The following INTS2 variants were observed in gnomAD, a reference collection of about 807,000 sequenced individuals.
INTS2 encodes KIAA1287.
A neutral mutation model predicts 139.6 loss-of-function variants in INTS2; 57 were observed. The observed-to-expected ratio is 0.41, with a 90% CI of 0.33 to 0.51. The LOEUF (loss-of-function observed/expected upper bound fraction) is 0.51. INTS2 is among the 20% of genes least tolerant of loss of function. The probability of loss-of-function intolerance (pLI) is 0.28; values close to 1 mark genes in which losing one functional copy is unlikely to be tolerated. For synonymous variants in INTS2, 473 were observed against 493.4 expected, an observed-to-expected ratio of 0.96 and a Z score of 0.55; for missense variants, 1,196 against 1,436.7, an observed-to-expected ratio of 0.83 and a Z score of 2.71.
Position 61,869,705 on chromosome 17 carries a change from C to T in INTS2, c.3030+32G>A. The T allele has an allele frequency of 2.5e-6, 4 of 1,602,850 alleles. No homozygotes were observed. Among genetic ancestry groups the T allele is most frequent in the Non-Finnish European group, 3.4e-6 (4 of 1,172,812 alleles). On this transcript the variant is annotated intron_variant, in intron 21 of 24. Transcript: ENST00000251334. The surrounding 1 kb of genome is among the most constrained non-coding windows in gnomAD (Gnocchi z 5.4). ...CAAAGCCCCCAAGAAAAATAAAGTT[C>T]AAACACAAAGCATCATTCTTTGGAA...
In INTS2 at chr17:61,893,798, G is replaced by A; in HGVS notation, c.1665C>T (p.Ser555=). The part of the protein sequence containing the change: ...PIHCIYQLLR[S]RSFTKHKVSI... ...ACACTTTGTGCTTGGTAAAGGAACG[G>A]CTCCTGAGAAGCTGGTAAATACAAT... is the stretch of plus-strand genomic sequence containing the variant. The change falls in exon 13 of 25, where the codon AGC becomes AGT. Residue 555 remains serine (S), a synonymous_variant. Transcript: ENST00000251334. This position sits in a 1 kb window ranked among gnomAD's most constrained non-coding sequence, Gnocchi z 5.4. 6.3e-7 allele frequency: 1 copy of A among 1,588,778 alleles called. No individual in the cohort carries two copies. Among genetic ancestry groups the A allele is most frequent in the Non-Finnish European group, 8.6e-7 (1 of 1,166,342 alleles).
At chr17:61,886,332 A>G (rs1413508711) in intron 15 of INTS2, among the ~76,000 whole-genome samples, 1 of 152,198 alleles carries the variant, frequency 6.6e-6, no homozygotes, top group Non-Finnish European at 1.5e-5. Flanking sequence ...GTGAGCCATC[A>G]TATCTGGCCT....
chr17:61,908,775 C>T (rs897757691), intron 7 of INTS2, among the ~76,000 whole-genome samples: 5 of 151,948 alleles, frequency 3.3e-5, no homozygotes, highest in Middle Eastern at 3.4e-3. Flanking sequence ...ATGAAGCATC[C>T]AATAAATAAA....
chr17:61,914,870 T>C (rs1413800929), intron 5 of INTS2, among the ~76,000 whole-genome samples: 1 of 143,626 alleles, frequency 7.0e-6, no homozygotes, highest in Non-Finnish European at 1.5e-5. Context: ...CGAGACACTA[T>C]CTCAAAAAAA....
At position 61,875,587 on chromosome 17, in the gene INTS2, C is replaced by T. The variant is rs2079120456; in HGVS notation, c.2457-549G>A. 6.6e-6 allele frequency among the ~76,000 whole-genome samples: 1 copy of T among 152,088 alleles called. No homozygotes were observed. The highest frequency in any genetic ancestry group is 2.1e-4 in the South Asian group (1 of 4,830). On this transcript the variant is annotated intron_variant, in intron 18 of 24. Coordinates refer to ENST00000251334, the MANE Select transcript of INTS2 (RefSeq NM_001351695.2). This position sits in a 1 kb window ranked among gnomAD's most constrained non-coding sequence, Gnocchi z 4.6. ...ATAATTACTAAGGGTTATGCAAATA[C>T]AGAAGGTACTTGATCTTACAGTGAA...
chr17:61,911,758 AATCTAAAGT>A, intron 6 of INTS2, 65 bp from the exon 7 acceptor site: 20 of 1,511,238 alleles, frequency 1.3e-5, no homozygotes, highest in Non-Finnish European at 1.8e-5. Flanking sequence ...GATGCTTCCA[AATCTAAAGT>A]ATCTAAAGTT....
Position 61,889,813 on chromosome 17 carries a change from C to A in INTS2, c.1957G>T (p.Ala653Ser), listed in dbSNP as rs1306309537. The change falls in exon 15 of 25, where the codon GCT (alanine) becomes TCT (serine). Residue 653 changes from alanine to serine, a missense_variant. Transcript: ENST00000251334. Reference sequence around the variant, plus strand: ...AAAGTCTTCGTGTTTGCTAGAAGAGCCTCTTCATAAGACAGTATATAGTAG... The same window carrying A: ...AAAGTCTTCGTGTTTGCTAGAAGAGACTCTTCATAAGACAGTATATAGTAG... The part of the protein sequence containing the change: ...VLYYILSYEE[A>S]LLANTKTLAA... 2 of 1,603,504 alleles carry A rather than the reference C, an allele frequency of 1.2e-6. No individual in the cohort carries two copies. The highest frequency in any genetic ancestry group is 3.3e-5 in the Admixed American group (2 of 59,742).
rs2079336295 is a variant in INTS2 at position 61,895,331 on chromosome 17, T to C, written c.1547A>G (p.Glu516Gly). The C allele has an allele frequency of 6.3e-7, 1 of 1,578,544 alleles. No individual in the cohort carries two copies. The highest frequency in any genetic ancestry group is 2.3e-5 in the East Asian group (1 of 43,278). ...LSRMKTIFTQEIFTEQVVTAH... is the reference protein window; with the variant it reads ...LSRMKTIFTQGIFTEQVVTAH... Reference sequence around the variant, plus strand: ...AAGAAATACCTGCTCAGTAAAAATTTCCTGTGTGAAGATTGTCTTCATCCT... The same window carrying C: ...AAGAAATACCTGCTCAGTAAAAATTCCCTGTGTGAAGATTGTCTTCATCCT... The change falls in exon 12 of 25, where the codon GAA becomes GGA. Residue 516 changes from glutamate (E) to glycine (G), a missense_variant. Around this residue, in one of 3 missense-constraint regions of INTS2, gnomAD observed 1,129 missense variants for 1,341.9 expected, o/e 0.84. Coordinates refer to ENST00000251334, the MANE Select transcript of INTS2 (RefSeq NM_001351695.2).
intron 16 of INTS2, among the ~76,000 whole-genome samples, chr17:61,883,035 G>C (rs1389916003): frequency 6.6e-6 from 1 of 152,006 alleles, no homozygotes; most frequent in Non-Finnish European, 1.5e-5. Context: ...AATCAAAAAT[G>C]GCATTACTTT....
rs60100593 is a variant in INTS2 at position 61,922,511 on chromosome 17, C to CATATATATATATATATAT, written c.433-702_433-685dup. On this transcript the variant is annotated intron_variant, in intron 3 of 24. Coordinates refer to ENST00000251334, the MANE Select transcript of INTS2 (RefSeq NM_001351695.2). ...AAAAAGAAAAAAGAAAACAAACAAA[C>CATATATATATATATATAT]ATATATATATATATATATATATATA... Among the ~76,000 whole-genome samples, 173 of 73,100 alleles carry CATATATATATATATATAT rather than the reference C, an allele frequency of 2.4e-3. 4 individuals carry two copies. The highest frequency in any genetic ancestry group is 3.1e-3 in the Non-Finnish European group (111 of 35,802). The allele number at this position is 73,100 out of a possible 152,430, so 48.0% of individuals were successfully genotyped here.
intron 3 of INTS2, among the ~76,000 whole-genome samples, chr17:61,923,139 TG>T (rs2079665450): frequency 6.6e-6 from 1 of 151,918 alleles, no homozygotes; most frequent in South Asian, 2.1e-4. Flanking sequence ...AAATTATAAT[TG>T]GTGATGGAAA....
At chr17:61,912,192 G>A in intron 5 of INTS2, 122 bp from the exon 6 acceptor site, 8 of 947,346 alleles carry the variant, frequency 8.4e-6, no homozygotes, top group Middle Eastern at 2.2e-4. Context: ...CCAAAATGAA[G>A]CAAAAAATGA....
At position 61,909,497 on chromosome 17, in the gene INTS2, T is replaced by C. The variant is rs536748156; in HGVS notation, c.955-1863A>G. ...ATAGAAGTCTGGGCTGTTGGTGTAG[T>C]CATCACCCTGATAGTATACCCTGTA... is the stretch of plus-strand genomic sequence containing the variant. On this transcript the variant is annotated intron_variant, in intron 7 of 24. Coordinates refer to ENST00000251334, the MANE Select transcript of INTS2 (RefSeq NM_001351695.2). This position sits in a 1 kb window ranked among gnomAD's most constrained non-coding sequence, Gnocchi z 4.9. Among the ~76,000 whole-genome samples, 86 of 152,282 alleles carry C rather than the reference T, an allele frequency of 5.6e-4. No individual in the cohort carries two copies. The highest frequency in any genetic ancestry group is 2.0e-3 in the African/African-American group (83 of 41,548).
In INTS2 at chr17:61,891,596, G is replaced by C; in HGVS notation, c.1792C>G (p.Pro598Ala). ...GCTTCTGGATTAGATTTCGACGCAG[G>C]AGTAAGTATAGAATTTATGTACACA... ...IDVYINSILT[P>A]ASKSNPEATN... Residue 598 changes from proline (P) to alanine (A), a missense_variant, in exon 14 of 25, where the codon CCT becomes GCT. Pro to Ala is a conservative substitution (Grantham distance 27, BLOSUM62 -1). Transcript: ENST00000251334. 1 of 1,613,594 alleles carries C rather than the reference G, an allele frequency of 6.2e-7. No individual in the cohort carries two copies. The highest frequency in any genetic ancestry group is 8.5e-7 in the Non-Finnish European group (1 of 1,179,596).
rs1009784850 is a variant in INTS2 at position 61,875,505 on chromosome 17, C to T, written c.2457-467G>A. 6.6e-6 allele frequency among the ~76,000 whole-genome samples: 1 copy of T among 152,186 alleles called. No homozygotes were observed. Among genetic ancestry groups the T allele is most frequent in the Non-Finnish European group, 1.5e-5 (1 of 68,008 alleles). ...CATCATAAAGTCTCCAAGTGAGATG[C>T]CACTTTGAGATTAGACATTAATAGA... is the stretch of plus-strand genomic sequence containing the variant. On this transcript the variant is annotated intron_variant, in intron 18 of 24. Coordinates refer to ENST00000251334, the MANE Select transcript of INTS2 (RefSeq NM_001351695.2). The surrounding 1 kb of genome is among the most constrained non-coding windows in gnomAD (Gnocchi z 4.6).
At chr17:61,918,087 C>T (rs2079601380) in intron 5 of INTS2, among the ~76,000 whole-genome samples, 1 of 152,160 alleles carries the variant, frequency 6.6e-6, no homozygotes, top group African/African-American at 2.4e-5. Flanking sequence ...ATCAAAACTC[C>T]TCTCTCAGTA....
intron 7 of INTS2, chr17:61,910,674 T>C (rs1348647719): frequency 6.6e-6 from 1 of 152,006 alleles, no homozygotes. Flanking sequence ...CACTGAATTA[T>C]ATACTTAAAA....
Position 61,907,497 on chromosome 17 carries a change from A to G in INTS2, c.1092T>C (p.Ser364=). ...EADVDMEPNV[S]VYSGLKEEHV... Reference sequence around the variant, plus strand: ...GCTCTTCTTTCAGCCCCGAATACACAGACACATTGGGCTCCATATCCACAT... The same window carrying G: ...GCTCTTCTTTCAGCCCCGAATACACGGACACATTGGGCTCCATATCCACAT... Residue 364 remains serine (S), a synonymous_variant, in exon 8 of 25, where the codon TCT becomes TCC. Transcript: ENST00000251334. 9 of 1,602,626 alleles carry G rather than the reference A, an allele frequency of 5.6e-6. No homozygotes were observed. The highest frequency in any genetic ancestry group is 7.7e-6 in the Non-Finnish European group (9 of 1,174,722).
intron 7 of INTS2, chr17:61,910,778 A>C (rs2143103909): frequency 6.6e-6 from 1 of 152,210 alleles, no homozygotes; most frequent in Admixed American, 6.6e-5. Context: ...ATAATAACTT[A>C]TTTCAGTGAT....
Sources: allele counts gnomAD v4.1 joint callset (sites outside exome capture counted in the v4.1 genomes callset), GRCh38; gene constraint gnomAD v4.1.1; regional missense constraint gnomAD v4.1.1; non-coding constraint Gnocchi (gnomAD v3.1); transcripts MANE v1.5; gene names NCBI Gene and HGNC (gene_info 2026-07-23, HGNC 2026-07-21).